Variants in TMEM169 observed in about 807,000 individuals in gnomAD.
TMEM169 encodes transmembrane protein 169.
TMEM169 carries 18 observed loss-of-function variants against 27.3 expected under a neutral mutation model. The ratio of observed to expected loss-of-function variants is 0.66; its 90% CI spans 0.46 to 0.98. The LOEUF is 0.98. TMEM169 is among the 50% of genes least tolerant of loss of function. The pLI is 0.00. For missense variants in TMEM169, 320 were observed against 368.6 expected (o/e 0.87, Z 1.08); for synonymous variants, 136 against 142.1 (o/e 0.96, Z 0.30).
intron 1 of TMEM169, among the ~76,000 whole-genome samples, chr2:216,087,771 G>C (rs1696039496): frequency 6.6e-6 from 1 of 152,194 alleles, no homozygotes; most frequent in African/African-American, 2.4e-5. Context: ...ACTTAGAGCA[G>C]CACTTGGCAC....
intron 2 of TMEM169, among the ~76,000 whole-genome samples, chr2:216,098,971 G>C (rs1696324388): frequency 6.8e-6 from 1 of 146,518 alleles, no homozygotes; most frequent in Non-Finnish European, 1.5e-5. Context: ...TGTGCATACG[G>C]CATGTGGGTG....
rs1696330634 is a variant in TMEM169 at position 216,099,200 on chromosome 2, G to A, written c.272-720G>A. Among the ~76,000 whole-genome samples the A allele has an allele frequency of 6.6e-6, 1 of 150,992 alleles. No individual in the cohort carries two copies. The highest frequency in any genetic ancestry group is 6.6e-5 in the Admixed American group (1 of 15,134). ...GGGAGGTTGTGTGTGGCATGTGTGT[G>A]GTGTATGTGTTATGTATGGTGTTTG... On this transcript the variant is annotated intron_variant, in intron 2 of 2. Transcript: ENST00000437356. The surrounding 1 kb of genome is among the most constrained non-coding windows in gnomAD (Gnocchi z 5.0).
chr2:216,095,430 A>G (rs911204191), intron 1 of TMEM169, among the ~76,000 whole-genome samples: 3 of 151,888 alleles, frequency 2.0e-5, no homozygotes, highest in African/African-American at 7.3e-5. Context: ...AGGCTTCCTC[A>G]CCCAACTTCC....
rs543081327 is a variant in TMEM169 at position 216,092,273 on chromosome 2, G to A, written c.-126-3565G>A. ...ACTAGTCTGTCCCTGGGCTCAGGAAGCTCTTCCTGTTATCTAACATTGGCC... is the reference window on the plus strand; with the variant it reads ...ACTAGTCTGTCCCTGGGCTCAGGAAACTCTTCCTGTTATCTAACATTGGCC... On this transcript the variant is annotated intron_variant, in intron 1 of 2. Transcript: ENST00000437356. Among the ~76,000 whole-genome samples the A allele has an allele frequency of 2.0e-5, 3 of 152,268 alleles. No homozygotes were observed. In the East Asian group the frequency reaches 5.8e-4, roughly 29 times the overall value.
intron 1 of TMEM169, among the ~76,000 whole-genome samples, chr2:216,084,515 A>G (rs527684972): frequency 6.6e-6 from 1 of 152,344 alleles, no homozygotes; most frequent in Non-Finnish European, 1.5e-5. Context: ...CTTCTATGGT[A>G]CCACTTCATA....
At chr2:216,096,343 T>G in intron 2 of TMEM169, 109 bp downstream of exon 2, 1 of 1,297,206 alleles carries the variant, frequency 7.7e-7, no homozygotes. Flanking sequence ...TGGTGATACA[T>G]TTCTTCTTGC....
At chr2:216,084,576 T>C (rs1695954806) in intron 1 of TMEM169, among the ~76,000 whole-genome samples, 1 of 151,830 alleles carries the variant, frequency 6.6e-6, no homozygotes, top group Non-Finnish European at 1.5e-5. Flanking sequence ...AAAAGAAAAA[T>C]AAATAATGAC....
rs528215024 is a variant in TMEM169, at chr2:216,095,134, C to T, written c.-126-704C>T. Among the ~76,000 whole-genome samples, 16 of 29,598 alleles carry T rather than the reference C, an allele frequency of 5.4e-4. No individual in the cohort carries two copies. In the East Asian group the frequency reaches 0.034, roughly 62 times the overall value. The allele number at this position is 29,598 out of a possible 152,430, so 19.4% of individuals were successfully genotyped here. Reference sequence around the variant, plus strand: ...CTTTTTTTTTTTTTTGACAGAGTCTCGCTCCGTCACCCAGGCTGGAGTGCA... The same window carrying T: ...CTTTTTTTTTTTTTTGACAGAGTCTTGCTCCGTCACCCAGGCTGGAGTGCA... On this transcript the variant is annotated intron_variant, in intron 1 of 2. Coordinates refer to ENST00000437356, the MANE Select transcript of TMEM169 (RefSeq NM_001142311.2).
intron 1 of TMEM169, among the ~76,000 whole-genome samples, chr2:216,092,599 A>C: frequency 6.6e-6 from 1 of 152,310 alleles, no homozygotes; most frequent in East Asian, 1.9e-4. Flanking sequence ...TTGCCTTCTC[A>C]CGTGTACTCT....
chr2:216,091,020 T>G (rs1394400309), intron 1 of TMEM169, among the ~76,000 whole-genome samples: 1 of 152,218 alleles, frequency 6.6e-6, no homozygotes, highest in Non-Finnish European at 1.5e-5. Context: ...AGACCCTGAT[T>G]GGCCAAAAGT....
At chr2:216,088,389 G>A (rs1213478857) in intron 1 of TMEM169, among the ~76,000 whole-genome samples, 1 of 152,168 alleles carries the variant, frequency 6.6e-6, no homozygotes, top group Non-Finnish European at 1.5e-5. Flanking sequence ...GCGTGAACCC[G>A]GGAGGCGGAG....
intron 2 of TMEM169, among the ~76,000 whole-genome samples, chr2:216,097,708 T>C (rs1696295700): frequency 6.6e-6 from 1 of 152,220 alleles, no homozygotes; most frequent in African/African-American, 2.4e-5. Flanking sequence ...CTCCTGCAGT[T>C]GACCTTCAGG....
At chr2:216,089,619 G>C (rs967519810) in intron 1 of TMEM169, among the ~76,000 whole-genome samples, 1 of 152,130 alleles carries the variant, frequency 6.6e-6, no homozygotes, top group African/African-American at 2.4e-5. Context: ...ACCACGCCAA[G>C]CTACTTGTAT....
At chr2:216,084,477 A>G (rs1291993282) in intron 1 of TMEM169, among the ~76,000 whole-genome samples, 1 of 152,194 alleles carries the variant, frequency 6.6e-6, no homozygotes, top group African/African-American at 2.4e-5. Context: ...ACTTAAAAAG[A>G]TTTATCGAGC....
chr2:216,092,380 T>C (rs1696154139), intron 1 of TMEM169, among the ~76,000 whole-genome samples: 2 of 152,242 alleles, frequency 1.3e-5, no homozygotes, highest in South Asian at 4.2e-4. Context: ...AATTCTTTTT[T>C]TGAGTGATTC....
chr2:216,096,223 C>T lies in TMEM169; in HGVS notation c.260C>T (p.Pro87Leu). The T allele has an allele frequency of 6.2e-7, 1 of 1,613,496 alleles. No individual in the cohort carries two copies. Among genetic ancestry groups the T allele is most frequent in the African/African-American group, 1.3e-5 (1 of 75,008 alleles). The change falls in exon 2 of 3, where the codon CCT (proline) becomes CTT (leucine). Residue 87 changes from proline to leucine, a missense_variant. By Grantham distance (98) the Pro-to-Leu change is moderately conservative (BLOSUM62 -3). Transcript: ENST00000437356. Reference sequence around the variant, plus strand: ...GAGGGAGATGATTTCCTAGACTATCCTGTGGATGATGGTAAGTCTCTCTAG... The same window carrying T: ...GAGGGAGATGATTTCCTAGACTATCTTGTGGATGATGGTAAGTCTCTCTAG... ...EEEGDDFLDY[P>L]VDDDMWNLPL...
intron 1 of TMEM169, 22 bp from the exon 2 acceptor site, chr2:216,095,816 G>A: frequency 1.1e-6 from 1 of 915,170 alleles, no homozygotes; most frequent in Non-Finnish European, 1.6e-6. Context: ...CCTGTTGATG[G>A]CTTTGCTTTC....
intron 1 of TMEM169, among the ~76,000 whole-genome samples, chr2:216,094,617 A>G (rs576327795): frequency 3.7e-4 from 56 of 152,338 alleles, no homozygotes; most frequent in African/African-American, 1.3e-3. Flanking sequence ...ATCAACCAAA[A>G]AAATTTCAAT....
chr2:216,097,276 C>G (rs1159043166), intron 2 of TMEM169, among the ~76,000 whole-genome samples: 1 of 152,148 alleles, frequency 6.6e-6, no homozygotes, highest in East Asian at 1.9e-4. Flanking sequence ...TGGCTCACAC[C>G]TATAATCCCA....
Sources: gnomAD v4.1 joint callset for allele counts (sites outside exome capture counted in the v4.1 genomes callset) on GRCh38, gnomAD v4.1.1 for gene constraint, Gnocchi (gnomAD v3.1) non-coding constraint, MANE v1.5 for transcripts, NCBI Gene and HGNC (gene_info 2026-07-23, HGNC 2026-07-21) for gene names.